The following MR1 variants were observed in gnomAD, a reference collection of about 807,000 sequenced individuals.
MR1 encodes major histocompatibility complex class I-related protein 1.
A neutral mutation model predicts 37.8 loss-of-function variants in MR1; 44 were observed. That is an observed-to-expected ratio of 1.16 (90% CI 0.91 to 1.50). MR1 has a LOEUF of 1.50. Among genes scored for constraint, MR1 ranks in the 40% most tolerant of loss-of-function variants. The probability of loss-of-function intolerance (pLI) is 0.00; values close to 1 mark genes in which losing one functional copy is unlikely to be tolerated. For synonymous variants in MR1, 153 were observed against 155.8 expected (o/e 0.98, Z 0.13); for missense variants, 386 against 419.1 (o/e 0.92, Z 0.69).
intron 5 of MR1, among the ~76,000 whole-genome samples, chr1:181,054,524 T>C (rs955807749): frequency 2.6e-5 from 4 of 152,158 alleles, no homozygotes; most frequent in African/African-American, 9.7e-5. Context: ...AGCATGTTGT[T>C]AGATCAAAGT....
At chr1:181,044,716 G>A (rs1254982750) in intron 1 of MR1, among the ~76,000 whole-genome samples, 1 of 152,356 alleles carries the variant, frequency 6.6e-6, no homozygotes, top group Non-Finnish European at 1.5e-5. Flanking sequence ...TCCTAAAGGT[G>A]GACTGGCTGC....
chr1:181,050,181 G>T lies in MR1; in HGVS notation c.499G>T (p.Ala167Ser), dbSNP rs201394887. The T allele has an allele frequency of 9.2e-5, 148 of 1,614,236 alleles. No individual in the cohort carries two copies. The East Asian group carries it at 3.3e-3, about 35-fold the overall frequency. ...VAHTIKQAWE[A>S]NQHELLYQKN... ...TCACACCATCAAGCAGGCATGGGAG[G>T]CCAATCAGCATGAGTTGCTGTATCA... The change falls in exon 3 of 6, where the codon GCC becomes TCC. Residue 167 changes from alanine to serine, a missense_variant. Coordinates refer to ENST00000367580, the MANE Select transcript of MR1 (RefSeq NM_001385161.1).
At position 181,055,327 on chromosome 1, in the gene MR1, T is replaced by A. The variant is rs997690411; in HGVS notation, c.*62T>A. 9.4e-6 allele frequency: 14 copies of A among 1,493,970 alleles called. No homozygotes were observed. Among genetic ancestry groups the A allele is most frequent in the Admixed American group, 1.7e-5 (1 of 59,230 alleles). The allele number at this position is 1,493,970 out of a possible 1,614,324, so 92.5% of individuals were successfully genotyped here. A position where few individuals can be genotyped will look rare whatever the true frequency, so the allele number is the denominator to read the frequency against. On this transcript the variant is annotated 3_prime_UTR_variant, in exon 6 of 6. Coordinates refer to ENST00000367580, the MANE Select transcript of MR1 (RefSeq NM_001385161.1). ...GAGCCATGTTATCCTCTGTCCCCCATAGAGTCAAGCCTAGTGCTTGAAGGT... is the reference window on the plus strand; with the variant it reads ...GAGCCATGTTATCCTCTGTCCCCCAAAGAGTCAAGCCTAGTGCTTGAAGGT...
chr1:181,035,458 A>C (rs555900754), intron 1 of MR1, among the ~76,000 whole-genome samples: 13 of 152,198 alleles, frequency 8.5e-5, no homozygotes, highest in Non-Finnish European at 1.9e-4. Context: ...ATGAAAATTT[A>C]ATCCAGAAAG....
At chr1:181,034,701 GCTCC>G (rs1433676081) in intron 1 of MR1, among the ~76,000 whole-genome samples, 3 of 152,128 alleles carry the variant, frequency 2.0e-5, no homozygotes, top group Non-Finnish European at 4.4e-5. Context: ...CTAATCACTT[GCTCC>G]CTGGGCTGAG....
intron 3 of MR1, chr1:181,051,091 A>G (rs1193991727): frequency 1.3e-5 from 2 of 152,126 alleles, no homozygotes; most frequent in South Asian, 2.1e-4. Context: ...CTTTTCATGT[A>G]TGGTCTTGTT....
intron 1 of MR1, among the ~76,000 whole-genome samples, chr1:181,043,642 C>T (rs532494637): frequency 1.3e-5 from 2 of 152,286 alleles, no homozygotes; most frequent in Middle Eastern, 3.4e-3. Context: ...TTCAAGGCTA[C>T]AGTGAGCTGT....
chr1:181,034,142 T>C, intron 1 of MR1, 68 bp downstream of exon 1: 1 of 1,483,630 alleles, frequency 6.7e-7, no homozygotes, highest in African/African-American at 1.4e-5. Context: ...ACAGCTTTTC[T>C]TCCTAAAACT....
intron 1 of MR1, among the ~76,000 whole-genome samples, chr1:181,044,267 C>G (rs1016200971): frequency 1.3e-5 from 2 of 152,098 alleles, no homozygotes; most frequent in African/African-American, 4.8e-5. Flanking sequence ...CCGGCCTGAT[C>G]TTTTTTCTTA....
intron 5 of MR1, 147 bp from the exon 6 acceptor site, chr1:181,055,078 A>G: frequency 1.4e-6 from 1 of 697,718 alleles, no homozygotes. Flanking sequence ...ATTTGAGCTA[A>G]AGTTTGTCAA....
At chr1:181,041,859 T>C (rs1229230518) in intron 1 of MR1, among the ~76,000 whole-genome samples, 4 of 152,188 alleles carry the variant, frequency 2.6e-5, no homozygotes, top group Non-Finnish European at 5.9e-5. Flanking sequence ...GTCTGTCTTC[T>C]CCCCTTCCCC....
At chr1:181,053,502 CAAA>C in intron 4 of MR1, 68 bp from the exon 5 acceptor site, 2 of 1,206,558 alleles carry the variant, frequency 1.7e-6, no homozygotes, top group South Asian at 2.5e-5. Context: ...ATCACAGGGA[CAAA>C]AGTCCCAGAA....
At position 181,052,300 on chromosome 1, in the gene MR1, G is replaced by A. The variant is rs763993652; in HGVS notation, c.670G>A (p.Ala224Thr). The change falls in exon 4 of 6, where the codon GCT (alanine) becomes ACT (threonine). Residue 224 changes from alanine (A) to threonine (T), a missense_variant. Transcript: ENST00000367580. Reference sequence around the variant, plus strand: ...AGGGGTTACAGCTCTCTTCTGCAAAGCTCATGGCTTTTACCCCCCAGAAAT... The same window carrying A: ...AGGGGTTACAGCTCTCTTCTGCAAAACTCATGGCTTTTACCCCCCAGAAAT... Reference protein sequence around the residue: ...FPGVTALFCKAHGFYPPEIYM... With the variant: ...FPGVTALFCKTHGFYPPEIYM... 6.2e-7 allele frequency: 1 copy of A among 1,614,190 alleles called. No homozygotes were observed.
At position 181,050,300 on chromosome 1, in the gene MR1, G is replaced by C. The variant is rs541829252; in HGVS notation, c.604+14G>C. On this transcript the variant is annotated intron_variant, in intron 3 of 5. Transcript: ENST00000367580. Reference sequence around the variant, plus strand: ...TACAAAGAACAGGTAAAGAGAAAGAGAAGGCCTCATTCCCACATTGCCTGA... The same window carrying C: ...TACAAAGAACAGGTAAAGAGAAAGACAAGGCCTCATTCCCACATTGCCTGA... 2 of 1,614,100 alleles carry C rather than the reference G, an allele frequency of 1.2e-6. No homozygotes were observed. Among genetic ancestry groups the C allele is most frequent in the Admixed American group, 1.7e-5 (1 of 60,030 alleles).
chr1:181,051,748 T>C (rs1409213364), intron 3 of MR1, among the ~76,000 whole-genome samples: 1 of 152,148 alleles, frequency 6.6e-6, no homozygotes, highest in Non-Finnish European at 1.5e-5. Context: ...ATGGCAGTCA[T>C]CAAAATGCCA....
chr1:181,053,442 T>C (rs1658433156), intron 4 of MR1, 131 bp from the exon 5 acceptor site: 3 of 648,398 alleles, frequency 4.6e-6, no homozygotes, highest in Non-Finnish European at 8.3e-6. Context: ...AGTGGTCAGA[T>C]TGATGAGTGA....
intron 3 of MR1, chr1:181,050,999 A>G (rs1658285364): frequency 6.6e-6 from 1 of 152,166 alleles, no homozygotes; most frequent in Admixed American, 6.5e-5. Flanking sequence ...AAAAGTATTA[A>G]TGATAAGATT....
Position 181,053,667 on chromosome 1 carries a change from A to G in MR1, c.975A>G (p.Arg325=). Residue 325 remains arginine (R), a synonymous_variant, in exon 5 of 6, where the codon AGA becomes AGG. Transcript: ENST00000367580. ...LAGVGVLVWR[R]RPREQNGAIY... ...GAGTTGGTGTTCTAGTCTGGAGAAG[A>G]AGGCCCCGAGGTGAGAGGCACATGG... 1 of 1,612,606 alleles carries G rather than the reference A, an allele frequency of 6.2e-7. No individual in the cohort carries two copies. The highest frequency in any genetic ancestry group is 8.5e-7 in the Non-Finnish European group (1 of 1,178,652).
intron 1 of MR1, among the ~76,000 whole-genome samples, chr1:181,042,232 C>A (rs1321646880): frequency 6.9e-6 from 1 of 144,464 alleles, no homozygotes; most frequent in Admixed American, 6.9e-5. Context: ...GATGGAGTCT[C>A]GCTCTTGTTG....
Sources: allele counts gnomAD v4.1 joint callset (sites outside exome capture counted in the v4.1 genomes callset), GRCh38; gene constraint gnomAD v4.1.1; transcripts MANE v1.5; gene names NCBI Gene and HGNC (gene_info 2026-07-23, HGNC 2026-07-21).